The following FCRL1 variants were observed in gnomAD, a reference collection of about 807,000 sequenced individuals.
FCRL1 encodes the protein Fc receptor like 1, also known as Fc receptor-like protein 1.
A neutral mutation model predicts 49.2 loss-of-function variants in FCRL1; 34 were observed. That is an observed-to-expected ratio of 0.69 (90% CI 0.53 to 0.92). FCRL1 has a LOEUF of 0.92. FCRL1 is among the 40% of genes least tolerant of loss of function. The pLI is 0.00. For missense variants in FCRL1, 524 were observed against 524.1 expected, an observed-to-expected ratio of 1.00 and a Z score of 0.00; for synonymous variants, 218 against 201.6, an observed-to-expected ratio of 1.08 and a Z score of -0.69.
intron 1 of FCRL1, among the ~76,000 whole-genome samples, chr1:157,808,681 CTG>C (rs1653841730): frequency 6.6e-6 from 1 of 152,106 alleles, no homozygotes; most frequent in East Asian, 1.9e-4. Flanking sequence ...CACTCAGACA[CTG>C]TGAGGAAAGC....
intron 1 of FCRL1, among the ~76,000 whole-genome samples, chr1:157,807,722 A>G (rs1464393053): frequency 6.6e-6 from 1 of 152,214 alleles, no homozygotes; most frequent in Non-Finnish European, 1.5e-5. Context: ...CAAGGACTTG[A>G]CCATAATATT....
chr1:157,803,395 C>T (rs1652857949), intron 3 of FCRL1, among the ~76,000 whole-genome samples: 1 of 152,186 alleles, frequency 6.6e-6, no homozygotes, highest in African/African-American at 2.4e-5. Context: ...GCTCCAACTG[C>T]CCTTCCATAA....
Position 157,802,204 on chromosome 1 carries a change from C to T in FCRL1, c.608-11G>A, listed in dbSNP as rs12077379. ...GGCGAGACACCGGGACTGAGGGAGA[C>T]AGTAGACTGTAAGAGACAGTCTCTG... On this transcript the variant is annotated splice_polypyrimidine_tract_variant and intron_variant, in intron 4 of 10. Transcript: ENST00000368176. 15,240 of 1,609,294 alleles carry T rather than the reference C, an allele frequency of 9.5e-3. 1,198 individuals carry two copies. In the African/African-American group the frequency reaches 0.17, roughly 18 times the overall value.
intron 2 of FCRL1, chr1:157,804,320 T>C: frequency 1.8e-6 from 1 of 557,094 alleles, no homozygotes; most frequent in East Asian, 2.9e-5. Flanking sequence ...ATCCTGCCCC[T>C]GTGCAGTATT....
chr1:157,797,168 T>C, intron 9 of FCRL1, 36 bp from the exon 10 acceptor site: 1 of 1,606,576 alleles, frequency 6.2e-7, no homozygotes, highest in Non-Finnish European at 8.5e-7. Flanking sequence ...ACATTCCACT[T>C]ATATTTAAAG....
chr1:157,803,105 T>C (rs1433966810), intron 3 of FCRL1, among the ~76,000 whole-genome samples: 4 of 152,186 alleles, frequency 2.6e-5, no homozygotes, highest in Non-Finnish European at 5.9e-5. Context: ...GTAATGATAG[T>C]TATCTCCTGC....
intron 1 of FCRL1, among the ~76,000 whole-genome samples, chr1:157,818,129 T>A (rs1417508266): frequency 6.6e-6 from 1 of 152,078 alleles, no homozygotes; most frequent in Admixed American, 6.6e-5. Context: ...GGAACTACCA[T>A]ATGGTTCAGC....
At chr1:157,797,725 A>G in intron 9 of FCRL1, 143 bp downstream of exon 9, 1 of 1,559,358 alleles carries the variant, frequency 6.4e-7, no homozygotes, top group Non-Finnish European at 8.7e-7. Flanking sequence ...TCCAGACCCA[A>G]GGACAGCCAT....
At chr1:157,801,857 C>T (rs1440812530) in intron 5 of FCRL1, 58 bp downstream of exon 5, 3 of 1,552,230 alleles carry the variant, frequency 1.9e-6, no homozygotes, top group Non-Finnish European at 2.6e-6. Context: ...CAGCAAAACT[C>T]TCCCAGGACG....
intron 1 of FCRL1, among the ~76,000 whole-genome samples, chr1:157,816,916 A>C (rs1344144681): frequency 6.6e-6 from 1 of 151,966 alleles, no homozygotes; most frequent in East Asian, 1.9e-4. Context: ...CAATAGTTAT[A>C]AAATAATAAA....
Position 157,800,088 on chromosome 1 carries a change from G to T in FCRL1, c.1004-3C>A. 6.2e-7 allele frequency: 1 copy of T among 1,613,116 alleles called. No individual in the cohort carries two copies. Among genetic ancestry groups the T allele is most frequent in the Non-Finnish European group, 8.5e-7 (1 of 1,179,396 alleles). On this transcript the variant is annotated splice_polypyrimidine_tract_variant and splice_region_variant and intron_variant, in intron 6 of 10. Transcript: ENST00000368176. ...TGGATCCCTGGCTGAACGTCTTCCT[G>T]AAAGAAAAACAAATGAGCATACACA...
At position 157,797,881 on chromosome 1, in the gene FCRL1, C is replaced by G; in HGVS notation, c.1173G>C (p.Gln391His). 1 of 1,614,182 alleles carries G rather than the reference C, an allele frequency of 6.2e-7. No homozygotes were observed. The highest frequency in any genetic ancestry group is 8.5e-7 in the Non-Finnish European group (1 of 1,180,030). ...YSLAYYNQPE[Q>H]ESVAAETLGT... Reference sequence around the variant, plus strand: ...CCCATGTCTCACCTGCTACTGATTCCTGCTCCGGCTGGTTATAGTACGCCA... The same window carrying G: ...CCCATGTCTCACCTGCTACTGATTCGTGCTCCGGCTGGTTATAGTACGCCA... Residue 391 changes from glutamine to histidine, a missense_variant, in exon 9 of 11, where the codon CAG becomes CAC. Physicochemically the swap from Gln to His is conservative, Grantham distance 24. Coordinates refer to ENST00000368176, the MANE Select transcript of FCRL1 (RefSeq NM_052938.5).
At chr1:157,816,694 A>G (rs1166738796) in intron 1 of FCRL1, among the ~76,000 whole-genome samples, 2 of 151,814 alleles carry the variant, frequency 1.3e-5, no homozygotes, top group South Asian at 2.1e-4. Flanking sequence ...AGAAAACTCT[A>G]AAGACCCCAC....
At chr1:157,806,102 G>C (rs2101863850) in intron 2 of FCRL1, among the ~76,000 whole-genome samples, 1 of 152,330 alleles carries the variant, frequency 6.6e-6, no homozygotes, top group African/African-American at 2.4e-5. Flanking sequence ...CTTCATCTTT[G>C]ATATGGCTTT....
chr1:157,796,965 C>T (rs527904966), intron 10 of FCRL1, 136 bp downstream of exon 10: 3 of 749,632 alleles, frequency 4.0e-6, no homozygotes, highest in East Asian at 5.1e-5. Flanking sequence ...GTTTTTACCT[C>T]CATTGCTTTG....
At chr1:157,816,665 A>T (rs1193740686) in intron 1 of FCRL1, among the ~76,000 whole-genome samples, 2 of 151,874 alleles carry the variant, frequency 1.3e-5, no homozygotes, top group East Asian at 3.8e-4. Context: ...CTGTTGGCAG[A>T]TGACAAAATC....
At chr1:157,800,907 G>T (rs1168302241) in intron 6 of FCRL1, among the ~76,000 whole-genome samples, 3 of 151,574 alleles carry the variant, frequency 2.0e-5, no homozygotes, top group Non-Finnish European at 2.9e-5. Flanking sequence ...TTGTTTGTTT[G>T]TTTGAGACAG....
In FCRL1 at chr1:157,794,807, A is replaced by C. The variant is rs1651246002; in HGVS notation, c.*1292T>G. On this transcript the variant is annotated 3_prime_UTR_variant, in exon 11 of 11. Transcript: ENST00000368176. Reference sequence around the variant, plus strand: ...ATTTTATGTTGTGCATATTTACTACAATAAAAAAAGAAAAAAGTTATGATT... The same window carrying C: ...ATTTTATGTTGTGCATATTTACTACCATAAAAAAAGAAAAAAGTTATGATT... The C allele has an allele frequency of 6.6e-6, 1 of 152,188 alleles. No individual in the cohort carries two copies. 9.4% of individuals were successfully genotyped at this position (152,188 alleles called of 1,614,324 possible). A position where few individuals can be genotyped will look rare whatever the true frequency, so the allele number is the denominator to read the frequency against.
chr1:157,797,818 G>A (rs1651766307), intron 9 of FCRL1, 50 bp downstream of exon 9: 2 of 1,613,784 alleles, frequency 1.2e-6, no homozygotes, highest in East Asian at 4.5e-5. Flanking sequence ...TGTTCTCTTG[G>A]TTCTGGGAAA....
Sources: allele counts gnomAD v4.1 joint callset (sites outside exome capture counted in the v4.1 genomes callset), GRCh38; gene constraint gnomAD v4.1.1; transcripts MANE v1.5; gene names NCBI Gene and HGNC (gene_info 2026-07-23, HGNC 2026-07-21).